The following ICAM1 variants were observed in gnomAD, a reference collection of about 807,000 sequenced individuals.
The protein encoded by ICAM1 is ICAM-1.
Under a neutral mutation model 42.3 loss-of-function variants are expected in ICAM1, and 28 were observed. That is an observed-to-expected ratio of 0.66 (90% CI 0.49 to 0.91). The LOEUF (loss-of-function observed/expected upper bound fraction) is 0.91, where lower values mean the gene tolerates loss of function less well. Among genes scored for constraint, ICAM1 ranks in the 40% least tolerant of loss-of-function variants. The pLI is 0.00. For synonymous variants in ICAM1, 304 were observed against 305.9 expected (o/e 0.99, Z 0.07); for missense variants, 637 against 688.6 (o/e 0.93, Z 0.84).
At chr19:10,275,170 C>T in intron 2 of ICAM1, 142 bp downstream of exon 2, 2 of 812,700 alleles carry the variant, frequency 2.5e-6, no homozygotes, top group Non-Finnish European at 3.9e-6. Context: ...TGGGGACATC[C>T]TTGGAAAGTC....
intron 2 of ICAM1, among the ~76,000 whole-genome samples, chr19:10,276,550 A>AC (rs1310196544): frequency 1.4e-5 from 2 of 147,912 alleles, no homozygotes; most frequent in African/African-American, 5.2e-5. Flanking sequence ...ATCTCAAAAA[A>AC]AAAAAAAAAA....
rs1027641826 is a variant in ICAM1, at chr19:10,285,489, G to A, written c.*202G>A. On this transcript the variant is annotated 3_prime_UTR_variant, in exon 7 of 7. Transcript: ENST00000264832. ...ACCTAAAACACTAGGCCACGCATCTGATCTGTAGTCACATGACTAAGCCAA... is the reference window on the plus strand; with the variant it reads ...ACCTAAAACACTAGGCCACGCATCTAATCTGTAGTCACATGACTAAGCCAA... The A allele has an allele frequency of 1.7e-6, 1 of 583,384 alleles. No homozygotes were observed. Among genetic ancestry groups the A allele is most frequent in the African/African-American group, 1.9e-5 (1 of 53,566 alleles). 36.1% of individuals were successfully genotyped at this position (583,384 alleles called of 1,614,324 possible).
rs1801714 is a variant in ICAM1 at position 10,284,532 on chromosome 19, C to T, written c.1055C>T (p.Pro352Leu). Residue 352 changes from proline (P) to leucine (L), a missense_variant, in exon 5 of 7, where the codon CCG becomes CTG. Physicochemically the swap from Pro to Leu is moderately conservative, Grantham distance 98. Coordinates refer to ENST00000264832, the MANE Select transcript of ICAM1 (RefSeq NM_000201.3). The surrounding 1 kb of genome is among the most constrained non-coding windows in gnomAD (Gnocchi z 5.4). ...LNGVPAQPLG[P>L]RAQLLLKATP... is the part of the protein sequence containing the mutation. ...GGGGTTCCAGCCCAGCCACTGGGCC[C>T]GAGGGCCCAGCTCCTGCTGAAGGCC... is the stretch of plus-strand genomic sequence containing the variant. 43,683 of 1,613,982 alleles carry T rather than the reference C, an allele frequency of 0.027. 684 individuals are homozygous for T. The highest frequency in any genetic ancestry group is 0.031 in the Non-Finnish European group (36,559 of 1,179,972).
chr19:10,272,606 C>G (rs1164639955), intron 1 of ICAM1, among the ~76,000 whole-genome samples: 2 of 135,898 alleles, frequency 1.5e-5, no homozygotes, highest in East Asian at 4.2e-4. Flanking sequence ...ACTCTGTCGC[C>G]CAGGCTGGAG....
chr19:10,281,375 G>A (rs2040057592), intron 2 of ICAM1, among the ~76,000 whole-genome samples: 1 of 151,686 alleles, frequency 6.6e-6, no homozygotes, highest in African/African-American at 2.4e-5. Context: ...CCCCGCCTTG[G>A]CATCCCAAAG....
At chr19:10,282,783 T>G (rs2040071185) in intron 2 of ICAM1, among the ~76,000 whole-genome samples, 1 of 150,962 alleles carries the variant, frequency 6.6e-6, no homozygotes, top group Non-Finnish European at 1.5e-5. Flanking sequence ...GAGGCCGGGG[T>G]GGGCAGATCA....
chr19:10,280,488 C>T (rs1395027668), intron 2 of ICAM1, among the ~76,000 whole-genome samples: 1 of 152,030 alleles, frequency 6.6e-6, no homozygotes, highest in Non-Finnish European at 1.5e-5. Context: ...ATCCTCCTCC[C>T]ACCCTTAGCC....
intron 1 of ICAM1, among the ~76,000 whole-genome samples, chr19:10,272,714 T>C (rs1043512725): frequency 2.6e-5 from 4 of 152,058 alleles, no homozygotes; most frequent in Middle Eastern, 3.4e-3. Context: ...TACAGGCATG[T>C]GCCATCACAC....
Position 10,271,140 on chromosome 19 carries a change from G to T in ICAM1, c.-20G>T, listed in dbSNP as rs919011269. ...ACGCTGAGCTCCTCTGCTACTCAGA[G>T]TTGCAACCTCAGCCTCGCTATGGCT... On this transcript the variant is annotated 5_prime_UTR_variant, in exon 1 of 7. Coordinates refer to ENST00000264832, the MANE Select transcript of ICAM1 (RefSeq NM_000201.3). 6.2e-7 allele frequency: 1 copy of T among 1,610,802 alleles called. No individual in the cohort carries two copies. The highest frequency in any genetic ancestry group is 8.5e-7 in the Non-Finnish European group (1 of 1,178,608).
At chr19:10,281,194 C>T (rs918081731) in intron 2 of ICAM1, among the ~76,000 whole-genome samples, 2 of 151,758 alleles carry the variant, frequency 1.3e-5, no homozygotes, top group African/African-American at 4.8e-5. Flanking sequence ...GTCTTGAACT[C>T]CTGACTTCCG....
At chr19:10,283,898 T>C in intron 3 of ICAM1, 112 bp downstream of exon 3, 2 of 1,431,412 alleles carry the variant, frequency 1.4e-6, no homozygotes, top group Non-Finnish European at 1.9e-6. Context: ...AAGGGGTGCA[T>C]GTGTTCTAGG....
chr19:10,277,187 T>C (rs368963273), intron 2 of ICAM1, among the ~76,000 whole-genome samples: 201 of 152,120 alleles, frequency 1.3e-3, no homozygotes, highest in South Asian at 0.012. Context: ...TTTTTGTTTT[T>C]TCCTTTTTTT....
At chr19:10,274,462 G>A (rs1160855541) in intron 1 of ICAM1, among the ~76,000 whole-genome samples, 5 of 151,944 alleles carry the variant, frequency 3.3e-5, no homozygotes, top group Admixed American at 2.6e-4. Flanking sequence ...CTACAGGCAC[G>A]TCCCACCATG....
At chr19:10,272,560 CTTTTT>C (rs1174775027) in intron 1 of ICAM1, among the ~76,000 whole-genome samples, 5 of 56,124 alleles carry the variant, frequency 8.9e-5, no homozygotes, top group African/African-American at 2.2e-4. Flanking sequence ...CTTTTCTTTT[CTTTTT>C]TTTTTTTTTT....
chr19:10,280,440 C>G (rs190656903), intron 2 of ICAM1, among the ~76,000 whole-genome samples: 48 of 152,124 alleles, frequency 3.2e-4, no homozygotes, highest in Admixed American at 2.2e-3. Context: ...GTGGTACAAT[C>G]GTAGCTGACT....
At chr19:10,271,358 A>G in intron 1 of ICAM1, 132 bp downstream of exon 1, 1 of 730,060 alleles carries the variant, frequency 1.4e-6, no homozygotes, top group Non-Finnish European at 2.3e-6. Flanking sequence ...TTGAAAGGCA[A>G]CAGCCAGTAG....
chr19:10,279,946 T>G (rs1227488446), intron 2 of ICAM1, among the ~76,000 whole-genome samples: 1 of 151,976 alleles, frequency 6.6e-6, no homozygotes, highest in African/African-American at 2.4e-5. Flanking sequence ...AGCTGGGACT[T>G]TCCTTCTTGG....
Position 10,274,859 on chromosome 19 carries a change from G to A in ICAM1, c.162G>A (p.Gln54=), listed in dbSNP as rs548184831. The part of the protein sequence containing the change: ...VLVTCSTSCD[Q]PKLLGIETPL... Reference sequence around the variant, plus strand: ...TGACATGCAGCACCTCCTGTGACCAGCCCAAGTTGTTGGGCATAGAGACCC... The same window carrying A: ...TGACATGCAGCACCTCCTGTGACCAACCCAAGTTGTTGGGCATAGAGACCC... Residue 54 remains glutamine (Q), a synonymous_variant, in exon 2 of 7, where the codon CAG becomes CAA. Transcript: ENST00000264832. 1.8e-4 allele frequency: 294 copies of A among 1,614,230 alleles called. 2 individuals carry two copies. The South Asian group carries it at 3.1e-3, about 17-fold the overall frequency.
chr19:10,284,497 G>A lies in ICAM1; in HGVS notation c.1020G>A (p.Val340=), dbSNP rs2040087242. Reference sequence around the variant, plus strand: ...GTGAGGCCCACCCTAGAGCCAAGGTGACGCTGAATGGGGTTCCAGCCCAGC... The same window carrying A: ...GTGAGGCCCACCCTAGAGCCAAGGTAACGCTGAATGGGGTTCCAGCCCAGC... ...VKCEAHPRAK[V]TLNGVPAQPL... The change falls in exon 5 of 7, where the codon GTG becomes GTA. Residue 340 remains valine, a synonymous_variant. Transcript: ENST00000264832. The surrounding 1 kb of genome is among the most constrained non-coding windows in gnomAD (Gnocchi z 5.4). 6.2e-7 allele frequency: 1 copy of A among 1,613,972 alleles called. No homozygotes were observed. The highest frequency in any genetic ancestry group is 1.7e-5 in the Admixed American group (1 of 60,008).
Sources: allele counts gnomAD v4.1 joint callset (sites outside exome capture counted in the v4.1 genomes callset), GRCh38; gene constraint gnomAD v4.1.1; non-coding constraint Gnocchi (gnomAD v3.1); transcripts MANE v1.5; gene names NCBI Gene and HGNC (gene_info 2026-07-23, HGNC 2026-07-21).